The following MTMR14 variants were observed in gnomAD, a reference collection of about 807,000 sequenced individuals.
The protein encoded by MTMR14 is myotubularin related protein 14.
In MTMR14, 48 loss-of-function variants were observed where a neutral mutation model predicts 86.3. The ratio of observed to expected loss-of-function variants is 0.56; its 90% CI spans 0.44 to 0.71. The LOEUF is 0.71. MTMR14 is among the 30% of genes least tolerant of loss of function. MTMR14 has a pLI of 0.00. For synonymous variants in MTMR14, 366 were observed against 326.1 expected (o/e 1.12, Z -1.32); for missense variants, 780 against 834.6 (o/e 0.93, Z 0.81).
At chr3:9,689,366 G>A (rs2076066723) in intron 16 of MTMR14, among the ~76,000 whole-genome samples, 1 of 152,180 alleles carries the variant, frequency 6.6e-6, no homozygotes, top group African/African-American at 2.4e-5. Flanking sequence ...TGGTATTGGA[G>A]GAGCTCCATT....
chr3:9,655,752 C>T (rs2047565853), intron 2 of MTMR14, among the ~76,000 whole-genome samples: 1 of 151,818 alleles, frequency 6.6e-6, no homozygotes, highest in African/African-American at 2.4e-5. Flanking sequence ...TGAGCCAGCA[C>T]ACCCGGCCTC....
chr3:9,650,233 T>G, intron 1 of MTMR14: 1 of 443,680 alleles, frequency 2.3e-6, no homozygotes, highest in Non-Finnish European at 4.6e-6. Flanking sequence ...TTCCTTCCCC[T>G]ATAGAGCAGG....
Position 9,665,002 on chromosome 3 carries a change from G to A in MTMR14, c.417+2627G>A, listed in dbSNP as rs964331370. On this transcript the variant is annotated intron_variant, in intron 3 of 18. Coordinates refer to ENST00000296003, the MANE Select transcript of MTMR14 (RefSeq NM_001077525.3). ...CGTGGTATGCCTGTATCAAAATATCGGCCGGGCACGATGGCTCATGCCTGT... is the reference window on the plus strand; with the variant it reads ...CGTGGTATGCCTGTATCAAAATATCAGCCGGGCACGATGGCTCATGCCTGT... 2.1e-4 allele frequency among the ~76,000 whole-genome samples: 32 copies of A among 152,030 alleles called. 1 individual carries two copies. The highest frequency in any genetic ancestry group is 8.8e-5 in the Non-Finnish European group (6 of 68,002).
At chr3:9,681,836 C>G (rs537863667) in intron 9 of MTMR14, among the ~76,000 whole-genome samples, 5 of 152,092 alleles carry the variant, frequency 3.3e-5, no homozygotes. Flanking sequence ...TATCCCTCAG[C>G]TCAGCCGTGT....
chr3:9,651,268 A>G (rs2047271515), intron 1 of MTMR14, among the ~76,000 whole-genome samples: 1 of 151,518 alleles, frequency 6.6e-6, no homozygotes, highest in South Asian at 2.1e-4. Context: ...TGCCTGGCTA[A>G]TTTTTCTTTA....
intron 9 of MTMR14, among the ~76,000 whole-genome samples, chr3:9,679,128 T>C (rs1330165311): frequency 6.6e-6 from 1 of 152,182 alleles, no homozygotes; most frequent in Non-Finnish European, 1.5e-5. Flanking sequence ...GTTTTCTCTA[T>C]ATATATCCAG....
chr3:9,696,109 G>A (rs1172892495), intron 17 of MTMR14, among the ~76,000 whole-genome samples: 1 of 152,184 alleles, frequency 6.6e-6, no homozygotes, highest in African/African-American at 2.4e-5. Flanking sequence ...AGGGGGTTCC[G>A]ATTTATGGCA....
chr3:9,690,111 G>A lies in MTMR14; in HGVS notation c.1581G>A (p.Met527Ile), dbSNP rs754892016. ...ACCATTCTGATAACTTTTTCAGGAT[G>A]GGTAGCAGTCCCCTGGAGGTCCCCA... ...SSNHSDNFFR[M>I]GSSPLEVPKP... Residue 527 changes from methionine (M) to isoleucine (I), a missense_variant, in exon 17 of 19, where the codon ATG becomes ATA. Transcript: ENST00000296003. 4 of 1,613,670 alleles carry A rather than the reference G, an allele frequency of 2.5e-6. No individual in the cohort carries two copies. In the South Asian group the frequency reaches 4.4e-5, roughly 18 times the overall value.
In MTMR14 at chr3:9,672,691, C is replaced by T. The variant is rs757206753; in HGVS notation, c.684C>T (p.Thr228=). The T allele has an allele frequency of 5.0e-6, 8 of 1,613,956 alleles. No individual in the cohort carries two copies. In the African/African-American group the frequency reaches 9.3e-5, roughly 19 times the overall value. ...TTGTATCCTTGTCTTGTAGTGTAAC[C>T]TCCTCTGAGAAGGTGGACAAAGCCC... The part of the protein sequence containing the change: ...NKKVKFGMNV[T]SSEKVDKAQR... The change falls in exon 7 of 19, where the codon ACC becomes ACT. Residue 228 remains threonine (T), a synonymous_variant. Coordinates refer to ENST00000296003, the MANE Select transcript of MTMR14 (RefSeq NM_001077525.3).
At chr3:9,666,349 T>A (rs1222703681) in intron 3 of MTMR14, among the ~76,000 whole-genome samples, 1 of 151,384 alleles carries the variant, frequency 6.6e-6, no homozygotes, top group Non-Finnish European at 1.5e-5. Context: ...GCCAAGCTGG[T>A]GTCAGACTCC....
At chr3:9,672,903 A>C in intron 7 of MTMR14, 145 bp downstream of exon 7, 1 of 771,488 alleles carries the variant, frequency 1.3e-6, no homozygotes, top group Non-Finnish European at 2.3e-6. Flanking sequence ...TTTGGTTCCC[A>C]GTCACAGGCC....
Position 9,677,408 on chromosome 3 carries a change from C to T in MTMR14, c.822+21C>T. On this transcript the variant is annotated intron_variant, in intron 8 of 18. Transcript: ENST00000296003. The surrounding 1 kb of genome is among the most constrained non-coding windows in gnomAD (Gnocchi z 4.2). ...AGCAGGTATGAGCAATAACATACAT[C>T]AAATTGGATCTATGTCTCTTTGTAA... 1 of 1,604,014 alleles carries T rather than the reference C, an allele frequency of 6.2e-7. No individual in the cohort carries two copies. Among genetic ancestry groups the T allele is most frequent in the Non-Finnish European group, 8.5e-7 (1 of 1,170,836 alleles).
chr3:9,666,081 A>C (rs1199397260), intron 3 of MTMR14, among the ~76,000 whole-genome samples: 1 of 151,540 alleles, frequency 6.6e-6, no homozygotes, highest in African/African-American at 2.4e-5. Context: ...TTGTTGTTAA[A>C]AACAACTTTG....
chr3:9,695,534 T>TG (rs1424518940), intron 17 of MTMR14, among the ~76,000 whole-genome samples: 1 of 152,106 alleles, frequency 6.6e-6, no homozygotes, highest in Non-Finnish European at 1.5e-5. Context: ...TACTGAGACA[T>TG]GGGGGAAGTA....
chr3:9,662,394 C>A lies in MTMR14; in HGVS notation c.417+19C>A. The A allele has an allele frequency of 1.3e-6, 2 of 1,590,858 alleles. No individual in the cohort carries two copies. The highest frequency in any genetic ancestry group is 1.7e-6 in the Non-Finnish European group (2 of 1,159,052). ...GGGCAAGGTAAGGCCCATACCATAG[C>A]TTCATGCTCCACGACTCTCTTCTGG... On this transcript the variant is annotated intron_variant, in intron 3 of 18. Transcript: ENST00000296003.
chr3:9,657,883 G>A (rs2047705439), intron 2 of MTMR14, among the ~76,000 whole-genome samples: 1 of 152,180 alleles, frequency 6.6e-6, no homozygotes, highest in Admixed American at 6.6e-5. Context: ...TTGAAGCCCA[G>A]AGAAGTAATT....
chr3:9,661,090 T>G (rs2047904001), intron 2 of MTMR14, among the ~76,000 whole-genome samples: 1 of 152,226 alleles, frequency 6.6e-6, no homozygotes, highest in Admixed American at 6.5e-5. Flanking sequence ...TACACGTCCC[T>G]GTGTCACACA....
chr3:9,670,931 C>A, intron 5 of MTMR14, 117 bp from the exon 6 acceptor site: 1 of 1,365,206 alleles, frequency 7.3e-7, no homozygotes. Flanking sequence ...GTCCACCTAG[C>A]ACACGCCCCA....
chr3:9,653,712 A>C lies in MTMR14; in HGVS notation c.251A>C (p.His84Pro). The stretch of plus-strand genomic sequence containing the variant: ...AACACGAATGGGGATATCTGTGGCC[A>C]CTATCCCCGGCACATCGTGTTCCTG... ...IPNTNGDICG[H>P]YPRHIVFLEY... Residue 84 changes from histidine to proline, a missense_variant, in exon 2 of 19, where the codon CAC becomes CCC. Coordinates refer to ENST00000296003, the MANE Select transcript of MTMR14 (RefSeq NM_001077525.3). 6.2e-7 allele frequency: 1 copy of C among 1,614,182 alleles called. No individual in the cohort carries two copies. Among genetic ancestry groups the C allele is most frequent in the Non-Finnish European group, 8.5e-7 (1 of 1,180,038 alleles).
Sources: allele counts gnomAD v4.1 joint callset (sites outside exome capture counted in the v4.1 genomes callset), GRCh38; gene constraint gnomAD v4.1.1; non-coding constraint Gnocchi (gnomAD v3.1); transcripts MANE v1.5; gene names NCBI Gene and HGNC (gene_info 2026-07-23, HGNC 2026-07-21).